Variants in RCC2 observed in about 807,000 individuals in gnomAD.
RCC2 encodes protein RCC2.
In RCC2, 19 loss-of-function variants were observed where a neutral mutation model predicts 64.1. The observed-to-expected ratio is 0.30, with a 90% CI of 0.21 to 0.44. The LOEUF is 0.44. Ranked by LOEUF, RCC2 falls within the 20% of genes least tolerant of loss-of-function variation. The pLI is 1.00. For synonymous variants in RCC2, 325 were observed against 279.6 expected (o/e 1.16, Z -1.62); for missense variants, 508 against 710.4 (o/e 0.72, Z 3.24).
chr1:17,422,221 A>G lies in RCC2; in HGVS notation c.726T>C (p.Ala242=). ...GQLGLGNQTD[A]VPSPAQIMYN... ...GGGTCACCTGCGCGGGGCTGGGAAC[A>G]GCGTCTGTCTGGTTGCCAAGGCCCA... The change falls in exon 6 of 13, where the codon GCT becomes GCC. Residue 242 remains alanine, a synonymous_variant. Transcript: ENST00000375436. 6.2e-7 allele frequency: 1 copy of G among 1,612,122 alleles called. No homozygotes were observed. The highest frequency in any genetic ancestry group is 8.5e-7 in the Non-Finnish European group (1 of 1,179,484).
intron 2 of RCC2, among the ~76,000 whole-genome samples, chr1:17,437,215 C>T (rs2075743867): frequency 6.6e-6 from 1 of 152,218 alleles, no homozygotes; most frequent in Non-Finnish European, 1.5e-5. Context: ...AAGCACTCTG[C>T]TGTTAACCCT....
intron 8 of RCC2, among the ~76,000 whole-genome samples, chr1:17,416,140 C>T (rs776902830): frequency 8.6e-5 from 13 of 151,060 alleles, no homozygotes; most frequent in Middle Eastern, 6.8e-3. Flanking sequence ...CAGTATGGGG[C>T]ACCATCTACT....
Position 17,425,608 on chromosome 1 carries a change from T to C in RCC2, c.456A>G (p.Thr152=), listed in dbSNP as rs918452171. ...YGCLAGVRVR[T]VVSGSCAAHS... Reference sequence around the variant, plus strand: ...GTGCAGCACACGAGCCCGAGACCACTGTCCGCACCCGGACCCCCGCCAGGC... The same window carrying C: ...GTGCAGCACACGAGCCCGAGACCACCGTCCGCACCCGGACCCCCGCCAGGC... Residue 152 remains threonine, a synonymous_variant, in exon 4 of 13, where the codon ACA becomes ACG. Coordinates refer to ENST00000375436, the MANE Select transcript of RCC2 (RefSeq NM_018715.4). 2.5e-6 allele frequency: 4 copies of C among 1,613,970 alleles called. No individual in the cohort carries two copies. The South Asian group carries it at 3.3e-5, about 13-fold the overall frequency.
chr1:17,408,984 G>T lies in RCC2; in HGVS notation c.*106C>A. Reference sequence around the variant, plus strand: ...GGAGTCTAAACAAAAATGCACCTTCGGTCAACTTTTGCTTTTTTAAATTCC... The same window carrying T: ...GGAGTCTAAACAAAAATGCACCTTCTGTCAACTTTTGCTTTTTTAAATTCC... On this transcript the variant is annotated 3_prime_UTR_variant, in exon 13 of 13. Coordinates refer to ENST00000375436, the MANE Select transcript of RCC2 (RefSeq NM_018715.4). 2 of 867,616 alleles carry T rather than the reference G, an allele frequency of 2.3e-6. No individual in the cohort carries two copies. The highest frequency in any genetic ancestry group is 1.4e-5 in the South Asian group (1 of 72,500). The allele number at this position is 867,616 out of a possible 1,614,324, so 53.7% of individuals were successfully genotyped here.
chr1:17,407,651 C>G lies in RCC2; in HGVS notation c.*1439G>C, dbSNP rs1484827606. ...TGGAAAATAGGGAAAAAAGCAACAA[C>G]AACTACATCATTTTTGGCATTTTAA... On this transcript the variant is annotated 3_prime_UTR_variant, in exon 13 of 13. Transcript: ENST00000375436. The G allele has an allele frequency of 2.0e-5, 3 of 152,426 alleles. No individual in the cohort carries two copies. The highest frequency in any genetic ancestry group is 7.3e-5 in the African/African-American group (3 of 41,366). 9.4% of individuals were successfully genotyped at this position (152,426 alleles called of 1,614,324 possible).
At chr1:17,413,025 C>G in intron 10 of RCC2, 48 bp downstream of exon 10, 1 of 1,399,398 alleles carries the variant, frequency 7.1e-7, no homozygotes, top group Non-Finnish European at 1.0e-6. Context: ...GTCTGACACC[C>G]CCATGAAAGG....
At position 17,422,748 on chromosome 1, in the gene RCC2, A is replaced by G. The variant is rs1254818014; in HGVS notation, c.612T>C (p.Ile204=). 1.2e-6 allele frequency: 2 copies of G among 1,613,878 alleles called. No homozygotes were observed. Among genetic ancestry groups the G allele is most frequent in the Non-Finnish European group, 1.7e-6 (2 of 1,179,994 alleles). The change falls in exon 5 of 13, where the codon ATT becomes ATC. Residue 204 remains isoleucine (I), a synonymous_variant. Coordinates refer to ENST00000375436, the MANE Select transcript of RCC2 (RefSeq NM_018715.4). The part of the protein sequence containing the change: ...RLIEGLSHEV[I]VSAACGRNHT... Reference sequence around the variant, plus strand: ...GGTTCCGCCCACATGCTGCAGACACAATCACTTCGTGGCTAAGACCCTCGA... The same window carrying G: ...GGTTCCGCCCACATGCTGCAGACACGATCACTTCGTGGCTAAGACCCTCGA...
chr1:17,414,595 A>G (rs951174365), intron 8 of RCC2, among the ~76,000 whole-genome samples: 5 of 151,298 alleles, frequency 3.3e-5, no homozygotes, highest in African/African-American at 4.8e-5. Flanking sequence ...TCAATTGCAG[A>G]AAGAACAGAA....
chr1:17,407,360 G>T lies in RCC2; in HGVS notation c.*1730C>A, dbSNP rs576768707. On this transcript the variant is annotated 3_prime_UTR_variant, in exon 13 of 13. Transcript: ENST00000375436. ...AGGAAAGAGACCTGTCCAGGGAAAC[G>T]GATCAGGCTGTCGCATGGAAGCTTA... 4.6e-5 allele frequency: 7 copies of T among 152,254 alleles called. No homozygotes were observed. Among genetic ancestry groups the T allele is most frequent in the Admixed American group, 3.9e-4 (6 of 15,290 alleles). 9.4% of individuals were successfully genotyped at this position (152,254 alleles called of 1,614,324 possible). A position where few individuals can be genotyped will look rare whatever the true frequency, so the allele number is the denominator to read the frequency against.
At chr1:17,420,319 G>T (rs1316689593) in intron 7 of RCC2, among the ~76,000 whole-genome samples, 1 of 152,114 alleles carries the variant, frequency 6.6e-6, no homozygotes, top group Non-Finnish European at 1.5e-5. Context: ...CGAAATAATC[G>T]CCCAGGCCAG....
chr1:17,425,742 A>C, intron 3 of RCC2, 58 bp from the exon 4 acceptor site: 1 of 1,529,692 alleles, frequency 6.5e-7, no homozygotes, highest in African/African-American at 1.4e-5. Context: ...GACCTCCAAA[A>C]TGTCACTGGC....
At position 17,438,402 on chromosome 1, in the gene RCC2, C is replaced by T. The variant is rs1246817189; in HGVS notation, c.113G>A (p.Arg38Gln). 1 of 1,264,572 alleles carries T rather than the reference C, an allele frequency of 7.9e-7. No individual in the cohort carries two copies. Among genetic ancestry groups the T allele is most frequent in the Admixed American group, 4.2e-5 (1 of 23,784 alleles). 78.3% of individuals were successfully genotyped at this position (1,264,572 alleles called of 1,614,324 possible). ...GCTGCTGCTACTGCAGCGCTCGGGCCGCTCGCGCTTCCTGCCCGCCGGGCC... is the reference window on the plus strand; with the variant it reads ...GCTGCTGCTACTGCAGCGCTCGGGCTGCTCGCGCTTCCTGCCCGCCGGGCC... The part of the protein sequence containing the change: ...RGGPAGRKRE[R>Q]PERCSSSSGG... Residue 38 changes from arginine (R) to glutamine (Q), a missense_variant, in exon 2 of 13, where the codon CGG (arginine) becomes CAG (glutamine). By Grantham distance (43) the Arg-to-Gln change is conservative. This residue lies in a region of RCC2 where 195 missense variants were observed against 158.3 expected (regional missense o/e 1.23). Coordinates refer to ENST00000375436, the MANE Select transcript of RCC2 (RefSeq NM_018715.4).
Position 17,424,875 on chromosome 1 carries a change from C to T in RCC2, c.523+666G>A, listed in dbSNP as rs141154463. ...ACACGGGCAGGAATGGGCCGGCCGG[C>T]TGCAGAGGACAGTGCCGTGGACAGA... is the stretch of plus-strand genomic sequence containing the variant. On this transcript the variant is annotated intron_variant, in intron 4 of 12. Coordinates refer to ENST00000375436, the MANE Select transcript of RCC2 (RefSeq NM_018715.4). Among the ~76,000 whole-genome samples the T allele has an allele frequency of 6.0e-3, 917 of 152,306 alleles. 12 individuals carry two copies. Among genetic ancestry groups the T allele is most frequent in the African/African-American group, 0.021 (868 of 41,566 alleles).
At chr1:17,410,422 G>A (rs529427183) in intron 11 of RCC2, among the ~76,000 whole-genome samples, 1 of 152,258 alleles carries the variant, frequency 6.6e-6, no homozygotes, top group African/African-American at 2.4e-5. Flanking sequence ...CAAGAACACG[G>A]GCTGACCAAA....
intron 8 of RCC2, among the ~76,000 whole-genome samples, chr1:17,415,623 T>C (rs993507318): frequency 7.3e-5 from 11 of 150,908 alleles, no homozygotes; most frequent in Non-Finnish European, 1.2e-4. Flanking sequence ...GGCAGGAGAA[T>C]AGCTTGAAAC....
intron 2 of RCC2, among the ~76,000 whole-genome samples, chr1:17,437,145 T>C (rs150853853): frequency 2.7e-3 from 417 of 152,330 alleles, no homozygotes; most frequent in African/African-American, 9.7e-3. Flanking sequence ...CCAGTTTCCC[T>C]ATCTATAAAA....
intron 3 of RCC2, among the ~76,000 whole-genome samples, chr1:17,427,382 C>T (rs1256965622): frequency 2.0e-5 from 3 of 152,164 alleles, no homozygotes; most frequent in African/African-American, 4.8e-5. Flanking sequence ...CTGCAGACAC[C>T]TCCCCTGAAA....
At position 17,431,333 on chromosome 1, in the gene RCC2, C is replaced by CAAA. The variant is rs1168877538; in HGVS notation, c.286-2137_286-2135dup. On this transcript the variant is annotated intron_variant, in intron 2 of 12. Coordinates refer to ENST00000375436, the MANE Select transcript of RCC2 (RefSeq NM_018715.4). ...TGGGCGACTGAGCAAGACTCCATCT[C>CAAA]AAAAAAAAAAAAAAAAAAAAAAAAA... 2.8e-3 allele frequency among the ~76,000 whole-genome samples: 27 copies of CAAA among 9,622 alleles called. 1 individual carries two copies. Among genetic ancestry groups the CAAA allele is most frequent in the Admixed American group, 6.2e-3 (3 of 486 alleles). 6.3% of individuals were successfully genotyped at this position (9,622 alleles called of 152,430 possible).
rs568632932 is a variant in RCC2, at chr1:17,420,488, A to C, written c.859+226T>G. On this transcript the variant is annotated intron_variant, in intron 7 of 12. Transcript: ENST00000375436. The stretch of plus-strand genomic sequence containing the variant: ...AATCAGAAAAAAAGAAATCTTTTGT[A>C]GGACTCCAGTCCCAACTTTTCCATT... Among the ~76,000 whole-genome samples, 118 of 152,304 alleles carry C rather than the reference A, an allele frequency of 7.7e-4. 1 individual carries two copies. The highest frequency in any genetic ancestry group is 2.7e-3 in the African/African-American group (114 of 41,582).
Sources: allele counts gnomAD v4.1 joint callset (sites outside exome capture counted in the v4.1 genomes callset), GRCh38; gene constraint gnomAD v4.1.1; regional missense constraint gnomAD v4.1.1; transcripts MANE v1.5; gene names NCBI Gene and HGNC (gene_info 2026-07-23, HGNC 2026-07-21).